Variants in NYAP2 observed in about 807,000 individuals in gnomAD.
The protein encoded by NYAP2 is neuronal tyrosine-phosphorylated phosphoinositide-3-kinase adapter 2.
A neutral mutation model predicts 50.4 loss-of-function variants in NYAP2; 23 were observed. The observed-to-expected ratio is 0.46, with a 90% confidence interval of 0.33 to 0.65. The LOEUF is 0.65. Among genes scored for constraint, NYAP2 ranks in the 30% least tolerant of loss-of-function variants. The pLI, the probability that NYAP2 is intolerant of heterozygous loss-of-function variation, is 0.02. For missense variants in NYAP2, 885 were observed against 861.0 expected (o/e 1.03, Z -0.35); for synonymous variants, 394 against 365.2 (o/e 1.08, Z -0.90).
intron 5 of NYAP2, among the ~76,000 whole-genome samples, chr2:225,610,722 A>G (rs984133670): frequency 6.6e-6 from 1 of 152,138 alleles, no homozygotes; most frequent in Non-Finnish European, 1.5e-5. Context: ...TTCAAAGTGC[A>G]TTCTGTGTAA....
intron 3 of NYAP2, among the ~76,000 whole-genome samples, chr2:225,427,975 G>C (rs1363500767): frequency 3.9e-5 from 6 of 152,132 alleles, no homozygotes; most frequent in Non-Finnish European, 5.9e-5. Context: ...AGCCAACCCA[G>C]TCTTCCCTCT....
chr2:225,680,157 C>G, the NYAP2 span, among the ~76,000 whole-genome samples: 6 of 152,144 alleles, frequency 3.9e-5, no homozygotes, highest in Admixed American at 3.9e-4. Flanking sequence ...CTCACTTGCT[C>G]CAAGGCATCA....
rs181816157 is a variant in NYAP2 at position 225,410,606 on chromosome 2, T to G, written c.221+1505T>G. ...TAATCTTGGCATTAAAACTCAATAA[T>G]AAATCCTTTTCTATAAGCATATAAA... On this transcript the variant is annotated intron_variant, in intron 3 of 6. Transcript: ENST00000636099. 4.3e-3 allele frequency among the ~76,000 whole-genome samples: 658 copies of G among 152,230 alleles called. 5 individuals carry two copies. The highest frequency in any genetic ancestry group is 9.8e-3 in the Admixed American group (150 of 15,258).
intron 6 of NYAP2, among the ~76,000 whole-genome samples, chr2:225,650,983 C>T (rs1693721062): frequency 6.6e-6 from 1 of 152,134 alleles, no homozygotes; most frequent in African/African-American, 2.4e-5. Context: ...AGAAATGTTA[C>T]ATTGAAAACA....
chr2:225,419,450 G>A (rs1559174871), intron 3 of NYAP2, among the ~76,000 whole-genome samples: 1 of 152,186 alleles, frequency 6.6e-6, no homozygotes, highest in Non-Finnish European at 1.5e-5. Context: ...TGCTGTGGAT[G>A]TGGGTGAAAC....
chr2:225,541,226 T>C (rs940246845), intron 4 of NYAP2, among the ~76,000 whole-genome samples: 1 of 152,170 alleles, frequency 6.6e-6, no homozygotes, highest in Non-Finnish European at 1.5e-5. Context: ...AATATTTTAT[T>C]CCATTTTGTA....
At chr2:225,669,616 G>T in the NYAP2 span, among the ~76,000 whole-genome samples, 3 of 152,030 alleles carry the variant, frequency 2.0e-5, no homozygotes, top group African/African-American at 7.2e-5. Context: ...CAAATATCCA[G>T]AATGTTCTGG....
chr2:225,675,350 T>C, the NYAP2 span, among the ~76,000 whole-genome samples: 7 of 152,114 alleles, frequency 4.6e-5, no homozygotes, highest in Non-Finnish European at 1.0e-4. Flanking sequence ...TATACATTCA[T>C]GTGTAGTCAC....
intron 6 of NYAP2, among the ~76,000 whole-genome samples, chr2:225,650,601 A>C (rs1240127189): frequency 2.0e-5 from 3 of 152,182 alleles, no homozygotes; most frequent in Non-Finnish European, 4.4e-5. Flanking sequence ...TTTAGGTGTA[A>C]CTCCTCACAG....
intron 2 of NYAP2, among the ~76,000 whole-genome samples, chr2:225,401,437 G>A (rs1001786288): frequency 1.3e-5 from 2 of 152,018 alleles, no homozygotes; most frequent in Admixed American, 6.6e-5. Context: ...GCACATTTAT[G>A]TCAGCAGTGA....
the NYAP2 span, among the ~76,000 whole-genome samples, chr2:225,694,490 T>C: frequency 6.6e-6 from 1 of 151,882 alleles, no homozygotes; most frequent in Admixed American, 6.6e-5. Flanking sequence ...TATTTAGATA[T>C]ATTTTTGGGG....
chr2:225,607,499 T>C (rs556806391), intron 5 of NYAP2, among the ~76,000 whole-genome samples: 1 of 152,278 alleles, frequency 6.6e-6, no homozygotes, highest in South Asian at 2.1e-4. Flanking sequence ...TTGTGTCCTA[T>C]TTAAGACTGA....
chr2:225,578,827 T>C (rs945207061), intron 4 of NYAP2, among the ~76,000 whole-genome samples: 7 of 152,188 alleles, frequency 4.6e-5, no homozygotes, highest in Non-Finnish European at 7.4e-5. Flanking sequence ...ACTTAATAAA[T>C]ATAATGTTGT....
chr2:225,539,015 G>T (rs538100557), intron 4 of NYAP2, among the ~76,000 whole-genome samples: 2 of 151,614 alleles, frequency 1.3e-5, no homozygotes, highest in Non-Finnish European at 2.9e-5. Flanking sequence ...CTCCTGACAG[G>T]CCCTGGTGTG....
At chr2:225,624,525 G>A (rs1251282361) in intron 5 of NYAP2, among the ~76,000 whole-genome samples, 3 of 152,114 alleles carry the variant, frequency 2.0e-5, no homozygotes, top group Non-Finnish European at 2.9e-5. Flanking sequence ...TCCTAGAGAC[G>A]GGTCTACTCC....
intron 4 of NYAP2, among the ~76,000 whole-genome samples, chr2:225,515,934 G>T (rs910924563): frequency 6.6e-6 from 1 of 152,090 alleles, no homozygotes; most frequent in Admixed American, 6.6e-5. Context: ...GAGATGAGAA[G>T]GACAAAGAAA....
chr2:225,399,138 T>C (rs1447433401), upstream of NYAP2, among the ~76,000 whole-genome samples: 1 of 152,034 alleles, frequency 6.6e-6, no homozygotes, highest in Non-Finnish European at 1.5e-5. Context: ...AAAAAGAATG[T>C]GAGGGGAAAA....
intron 3 of NYAP2, among the ~76,000 whole-genome samples, chr2:225,495,551 G>A (rs952227988): frequency 1.3e-5 from 2 of 152,070 alleles, no homozygotes; most frequent in Non-Finnish European, 2.9e-5. Flanking sequence ...GTTTTACAGG[G>A]AGAGATAATT....
At chr2:225,490,368 A>G (rs573576907) in intron 3 of NYAP2, among the ~76,000 whole-genome samples, 1 of 152,316 alleles carries the variant, frequency 6.6e-6, no homozygotes, top group African/African-American at 2.4e-5. Flanking sequence ...TGAGACTCAT[A>G]ATCATTATCC....
Sources: gnomAD v4.1 joint callset for allele counts (sites outside exome capture counted in the v4.1 genomes callset) on GRCh38, gnomAD v4.1.1 for gene constraint, MANE v1.5 for transcripts, NCBI Gene and HGNC (gene_info 2026-07-23, HGNC 2026-07-21) for gene names.